TRDMT1: variants seen among roughly 807,000 people sequenced by gnomAD.
TRDMT1 encodes tRNA aspartic acid methyltransferase 1, also known as tRNA (cytosine(38)-C(5))-methyltransferase.
Under a neutral mutation model 51.2 loss-of-function variants are expected in TRDMT1, and 49 were observed. The ratio of observed to expected loss-of-function variants is 0.96; its 90% CI spans 0.76 to 1.21. The LOEUF (loss-of-function observed/expected upper bound fraction) is 1.21. Ranked by LOEUF, TRDMT1 falls within the 50% of genes most tolerant of loss-of-function variation. The pLI is 0.00. For missense variants in TRDMT1, 534 were observed against 462.3 expected, an observed-to-expected ratio of 1.16 and a Z score of -1.42; for synonymous variants, 187 against 164.6, an observed-to-expected ratio of 1.14 and a Z score of -1.04.
chr10:17,171,088 A>G (rs1017618551), intron 2 of TRDMT1, among the ~76,000 whole-genome samples: 11 of 148,514 alleles, frequency 7.4e-5, no homozygotes, highest in African/African-American at 2.5e-4. Context: ...AAGTTTCACC[A>G]TTTGGTATGT....
chr10:17,140,813 A>C lies in TRDMT1; in HGVS notation c.*8227T>G, dbSNP rs992832146. Reference sequence around the variant, plus strand: ...TTACTCTAACATAACTGCTATCATTATTTTATTCCAATCTATTTTTAGATG... The same window carrying C: ...TTACTCTAACATAACTGCTATCATTCTTTTATTCCAATCTATTTTTAGATG... On this transcript the variant is annotated 3_prime_UTR_variant, in exon 11 of 11. Coordinates refer to ENST00000377799, the MANE Select transcript of TRDMT1 (RefSeq NM_004412.7). Among the ~76,000 whole-genome samples the C allele has an allele frequency of 1.3e-5, 2 of 152,252 alleles. No homozygotes were observed. The highest frequency in any genetic ancestry group is 4.8e-5 in the African/African-American group (2 of 41,466).
At chr10:17,155,775 A>G (rs1236918183) in intron 8 of TRDMT1, among the ~76,000 whole-genome samples, 2 of 152,116 alleles carry the variant, frequency 1.3e-5, no homozygotes, top group Admixed American at 6.5e-5. Flanking sequence ...GAAAAAAATA[A>G]TTTTTTTCAA....
chr10:17,171,510 A>T (rs1057270715), intron 2 of TRDMT1: 30 of 152,210 alleles, frequency 2.0e-4, no homozygotes, highest in African/African-American at 6.8e-4. Context: ...ACTGTAAGTG[A>T]GTGAAGGCTT....
chr10:17,201,420 G>A (rs1846147831), intron 1 of TRDMT1, 151 bp downstream of exon 1: 1 of 686,698 alleles, frequency 1.5e-6, no homozygotes, highest in Non-Finnish European at 2.3e-6. Flanking sequence ...CGGCGCGCAG[G>A]AGCTGTTTCC....
Position 17,138,441 on chromosome 10 carries a change from T to A in TRDMT1, c.*10599A>T, listed in dbSNP as rs1196710839. Among the ~76,000 whole-genome samples the A allele has an allele frequency of 6.6e-6, 1 of 152,224 alleles. No individual in the cohort carries two copies. The highest frequency in any genetic ancestry group is 1.5e-5 in the Non-Finnish European group (1 of 68,034). ...CTTTCATTTTCCATGAAGGATTACA[T>A]AAAATAATGATGGAAATCAAGGTAC... On this transcript the variant is annotated 3_prime_UTR_variant, in exon 11 of 11. Coordinates refer to ENST00000377799, the MANE Select transcript of TRDMT1 (RefSeq NM_004412.7).
Position 17,147,455 on chromosome 10 carries a change from A to T in TRDMT1, c.*1585T>A, listed in dbSNP as rs1420871207. 1.6e-6 allele frequency: 1 copy of T among 631,594 alleles called. No homozygotes were observed. The highest frequency in any genetic ancestry group is 2.0e-5 in the African/African-American group (1 of 50,312). The allele number at this position is 631,594 out of a possible 1,614,324, so 39.1% of individuals were successfully genotyped here. A position where few individuals can be genotyped will look rare whatever the true frequency, so the allele number is the denominator to read the frequency against. ...TTTTTAAATATACAGTTGCAGTGGC[A>T]TTAAGTACACTCACACTGTTGTGCA... On this transcript the variant is annotated 3_prime_UTR_variant, in exon 11 of 11. Transcript: ENST00000377799.
chr10:17,159,944 A>C (rs1291124914), intron 6 of TRDMT1, among the ~76,000 whole-genome samples: 1 of 152,136 alleles, frequency 6.6e-6, no homozygotes, highest in Non-Finnish European at 1.5e-5. Flanking sequence ...CTACATGTTT[A>C]TATTGTTTTC....
intron 1 of TRDMT1, among the ~76,000 whole-genome samples, chr10:17,177,138 A>T (rs988646065): frequency 8.9e-5 from 13 of 146,688 alleles, no homozygotes; most frequent in African/African-American, 2.7e-4. Context: ...AGCCTGGTTT[A>T]AAAAAAAAAG....
chr10:17,197,941 G>T (rs938771432), intron 1 of TRDMT1, among the ~76,000 whole-genome samples: 5 of 152,070 alleles, frequency 3.3e-5, no homozygotes, highest in Non-Finnish European at 1.5e-5. Flanking sequence ...GGCTGAGGCA[G>T]GAAGATCGCT....
rs1234344702 is a variant in TRDMT1 at position 17,140,655 on chromosome 10, T to C, written c.*8385A>G. On this transcript the variant is annotated 3_prime_UTR_variant, in exon 11 of 11. Transcript: ENST00000377799. ...AATGAACAGACTCTACAGTAAAGACTTGAAACTGAGTGTTTTGAAAGAAAG... is the reference window on the plus strand; with the variant it reads ...AATGAACAGACTCTACAGTAAAGACCTGAAACTGAGTGTTTTGAAAGAAAG... 6.6e-6 allele frequency among the ~76,000 whole-genome samples: 1 copy of C among 152,124 alleles called. No homozygotes were observed. The highest frequency in any genetic ancestry group is 1.5e-5 in the Non-Finnish European group (1 of 68,018).
Position 17,147,286 on chromosome 10 carries a change from A to AGATAGTGATAGTTTCT in TRDMT1, c.*1738_*1753dup. 7.1e-6 allele frequency: 7 copies of AGATAGTGATAGTTTCT among 985,672 alleles called. No individual in the cohort carries two copies. Among genetic ancestry groups the AGATAGTGATAGTTTCT allele is most frequent in the Non-Finnish European group, 8.4e-6 (7 of 829,890 alleles). The allele number at this position is 985,672 out of a possible 1,614,324, so 61.1% of individuals were successfully genotyped here. On this transcript the variant is annotated 3_prime_UTR_variant, in exon 11 of 11. Coordinates refer to ENST00000377799, the MANE Select transcript of TRDMT1 (RefSeq NM_004412.7). Reference sequence around the variant, plus strand: ...CTGTCTGAACACATATGAAAAATGTAGATAGTGATAGTTTCTGTATATGGG... The same window carrying AGATAGTGATAGTTTCT: ...CTGTCTGAACACATATGAAAAATGTAGATAGTGATAGTTTCTGATAGTGATAGTTTCTGTATATGGG...
chr10:17,194,382 G>A (rs1376930378), intron 1 of TRDMT1, among the ~76,000 whole-genome samples: 1 of 152,114 alleles, frequency 6.6e-6, no homozygotes, highest in African/African-American at 2.4e-5. Context: ...CTCACAGAAT[G>A]GGAGAAAATA....
At chr10:17,154,560 A>G (rs1012171953) in intron 9 of TRDMT1, 117 bp downstream of exon 9, 4 of 549,620 alleles carry the variant, frequency 7.3e-6, no homozygotes, top group Non-Finnish European at 1.1e-5. Context: ...CATATGAATG[A>G]ATAAAATATA....
intron 10 of TRDMT1, chr10:17,153,084 C>T (rs1343378807): frequency 9.3e-6 from 2 of 214,006 alleles, no homozygotes; most frequent in Non-Finnish European, 1.9e-5. Flanking sequence ...ACACCCCCAC[C>T]CTTCGAAAAT....
chr10:17,168,790 C>A (rs1418658561), intron 3 of TRDMT1, 51 bp downstream of exon 3: 4 of 1,330,132 alleles, frequency 3.0e-6, no homozygotes, highest in Non-Finnish European at 4.3e-6. Context: ...ATGTCTTTAT[C>A]AGCAGCATGA....
In TRDMT1 at chr10:17,140,460, T is replaced by C. The variant is rs371107761; in HGVS notation, c.*8580A>G. 5.3e-5 allele frequency among the ~76,000 whole-genome samples: 8 copies of C among 152,152 alleles called. No homozygotes were observed. Among genetic ancestry groups the C allele is most frequent in the South Asian group, 2.1e-4 (1 of 4,828 alleles). On this transcript the variant is annotated 3_prime_UTR_variant, in exon 11 of 11. Transcript: ENST00000377799. The stretch of plus-strand genomic sequence containing the variant: ...GCATACTCATATCTAAGTCAGTTAA[T>C]TGGACAATTATTTATTAGGTACCCA...
At chr10:17,186,711 G>A (rs1843981567) in intron 1 of TRDMT1, among the ~76,000 whole-genome samples, 1 of 152,106 alleles carries the variant, frequency 6.6e-6, no homozygotes, top group African/African-American at 2.4e-5. Flanking sequence ...GAGATGTAAA[G>A]AAAATATTTA....
chr10:17,191,592 G>T (rs1844691433), intron 1 of TRDMT1, among the ~76,000 whole-genome samples: 1 of 152,250 alleles, frequency 6.6e-6, no homozygotes, highest in South Asian at 2.1e-4. Flanking sequence ...AGGCTGGATG[G>T]GATGACCACA....
intron 1 of TRDMT1, among the ~76,000 whole-genome samples, chr10:17,192,344 C>G (rs1194350459): frequency 2.6e-5 from 4 of 152,136 alleles, no homozygotes; most frequent in African/African-American, 9.6e-5. Context: ...TTTGGGCATT[C>G]TAGGAGAAAA....
Sources: allele counts gnomAD v4.1 joint callset (sites outside exome capture counted in the v4.1 genomes callset), GRCh38; gene constraint gnomAD v4.1.1; transcripts MANE v1.5; gene names NCBI Gene and HGNC (gene_info 2026-07-23, HGNC 2026-07-21).